LRRK1: variants seen among roughly 807,000 people sequenced by gnomAD.
LRRK1 encodes leucine-rich repeat serine/threonine-protein kinase 1.
Under a neutral mutation model 209.1 loss-of-function variants are expected in LRRK1, and 113 were observed. That is an observed-to-expected ratio of 0.54 (90% CI 0.46 to 0.63). The LOEUF (loss-of-function observed/expected upper bound fraction) is 0.63. Among genes scored for constraint, LRRK1 ranks in the 30% least tolerant of loss-of-function variants. LRRK1 has a pLI of 0.00. For missense variants in LRRK1, 2,284 were observed against 2,632.2 expected (o/e 0.87, Z 2.89); for synonymous variants, 1,144 against 1,099.7 (o/e 1.04, Z -0.80).
chr15:100,921,238 A>T (rs1238999848), intron 1 of LRRK1, among the ~76,000 whole-genome samples: 1 of 152,152 alleles, frequency 6.6e-6, no homozygotes, highest in Non-Finnish European at 1.5e-5. Context: ...TGGATGGGGA[A>T]TGGACAACCC....
At chr15:101,058,887 C>T (rs1034146494) in intron 29 of LRRK1, among the ~76,000 whole-genome samples, 1 of 151,934 alleles carries the variant, frequency 6.6e-6, no homozygotes, top group African/African-American at 2.4e-5. Context: ...GGGTGGGAGG[C>T]GCACAGTCGG....
chr15:101,023,486 T>C (rs574797353), intron 15 of LRRK1, among the ~76,000 whole-genome samples: 1 of 152,344 alleles, frequency 6.6e-6, no homozygotes, highest in South Asian at 2.1e-4. Flanking sequence ...CAGGGGCAGT[T>C]AGCCCTTTCT....
intron 17 of LRRK1, among the ~76,000 whole-genome samples, chr15:101,026,457 C>T (rs1020348882): frequency 1.3e-5 from 2 of 152,248 alleles, no homozygotes; most frequent in African/African-American, 4.8e-5. Context: ...CTGCCCATCT[C>T]ATTTGTTGAT....
chr15:100,962,436 A>T (rs1331481978), intron 2 of LRRK1, among the ~76,000 whole-genome samples: 1 of 152,148 alleles, frequency 6.6e-6, no homozygotes, highest in Non-Finnish European at 1.5e-5. Context: ...AGACTGAAGC[A>T]TAATAATTTC....
intron 33 of LRRK1, among the ~76,000 whole-genome samples, chr15:101,068,363 G>A (rs1377095948): frequency 6.6e-5 from 10 of 152,138 alleles, no homozygotes; most frequent in Admixed American, 5.2e-4. Flanking sequence ...GACGCTTTGG[G>A]AGCTGAGTCA....
chr15:101,019,683 A>G (rs1458868352), intron 12 of LRRK1, among the ~76,000 whole-genome samples: 2 of 152,236 alleles, frequency 1.3e-5, no homozygotes, highest in African/African-American at 4.8e-5. Context: ...CAGCCCAACA[A>G]AAGAACTCCG....
chr15:100,962,818 TA>T lies in LRRK1; in HGVS notation c.98-10985del, dbSNP rs1273148653. Among the ~76,000 whole-genome samples, 69 of 33,342 alleles carry T rather than the reference TA, an allele frequency of 2.1e-3. 1 individual carries two copies. Among genetic ancestry groups the T allele is most frequent in the South Asian group, 6.6e-3 (6 of 904 alleles). 21.9% of individuals were successfully genotyped at this position (33,342 alleles called of 152,430 possible). On this transcript the variant is annotated intron_variant, in intron 2 of 33. Coordinates refer to ENST00000388948, the MANE Select transcript of LRRK1 (RefSeq NM_024652.6). ...GCATATATATATATATATATATATA[TA>T]TATATTTTTTTTTTTTTTTTTGAGA...
At chr15:100,959,957 C>G (rs948146045) in intron 2 of LRRK1, among the ~76,000 whole-genome samples, 3 of 152,126 alleles carry the variant, frequency 2.0e-5, no homozygotes, top group African/African-American at 7.2e-5. Flanking sequence ...ACATTTTCTT[C>G]CTTTCCTTGC....
intron 2 of LRRK1, among the ~76,000 whole-genome samples, chr15:100,957,932 C>T (rs1334670192): frequency 6.6e-6 from 1 of 152,216 alleles, no homozygotes; most frequent in Non-Finnish European, 1.5e-5. Context: ...GTGGCGTGAT[C>T]TCTGCTCACT....
In LRRK1 at chr15:101,004,594, T is replaced by C. The variant is rs151164937; in HGVS notation, c.763-4243T>C. On this transcript the variant is annotated intron_variant, in intron 6 of 33. Transcript: ENST00000388948. ...GCTGTCTGCCACAGCAAAAGAAATG[T>C]GGGCTGAGTCAGTGCCACACAGATC... Among the ~76,000 whole-genome samples, 488 of 152,286 alleles carry C rather than the reference T, an allele frequency of 3.2e-3. 5 individuals carry two copies. Among genetic ancestry groups the C allele is most frequent in the African/African-American group, 0.011 (466 of 41,554 alleles).
intron 6 of LRRK1, among the ~76,000 whole-genome samples, chr15:101,008,046 G>A (rs927540158): frequency 1.3e-5 from 2 of 150,872 alleles, no homozygotes; most frequent in African/African-American, 2.4e-5. Flanking sequence ...AGGAGGCTGA[G>A]GCAGGAGAAT....
intron 20 of LRRK1, among the ~76,000 whole-genome samples, chr15:101,031,509 C>G (rs527838661): frequency 6.6e-6 from 1 of 152,262 alleles, no homozygotes; most frequent in African/African-American, 2.4e-5. Flanking sequence ...CCACTCAGCT[C>G]TTGATAGGCA....
Position 100,973,893 on chromosome 15 carries a change from A to C in LRRK1, c.187A>C (p.Arg63=), listed in dbSNP as rs2141653567. 7.9e-7 allele frequency: 1 copy of C among 1,271,630 alleles called. No individual in the cohort carries two copies. The highest frequency in any genetic ancestry group is 1.0e-6 in the Non-Finnish European group (1 of 1,003,302). The allele number at this position is 1,271,630 out of a possible 1,614,324, so 78.8% of individuals were successfully genotyped here. ...RRTEGIRAAY[R]RGDRGGARDL... ...GACGGAAGGCATCCGCGCCGCGTAC[A>C]GGCGGGGAGACCGCGGCGGCGCCCG... The change falls in exon 3 of 34, where the codon AGG becomes CGG. Residue 63 remains arginine (R), a synonymous_variant. Coordinates refer to ENST00000388948, the MANE Select transcript of LRRK1 (RefSeq NM_024652.6).
At position 101,072,121 on chromosome 15, in the gene LRRK1, A is replaced by T. The variant is rs1342440190; in HGVS notation, c.*3273A>T. The stretch of plus-strand genomic sequence containing the variant: ...CTTTACAACTCACTTTGCTGAATGG[A>T]GGGTGGATTAACGAGGGGGTAGTTG... On this transcript the variant is annotated 3_prime_UTR_variant, in exon 34 of 34. Coordinates refer to ENST00000388948, the MANE Select transcript of LRRK1 (RefSeq NM_024652.6). The T allele has an allele frequency of 4.6e-5, 7 of 152,154 alleles. No individual in the cohort carries two copies. Among genetic ancestry groups the T allele is most frequent in the Admixed American group, 1.3e-4 (2 of 15,284 alleles). The allele number at this position is 152,154 out of a possible 1,614,324, so 9.4% of individuals were successfully genotyped here. A position where few individuals can be genotyped will look rare whatever the true frequency, so the allele number is the denominator to read the frequency against.
At position 100,964,814 on chromosome 15, in the gene LRRK1, A is replaced by G. The variant is rs548367040; in HGVS notation, c.98-8990A>G. ...CACACACGTGCACACGCATGCGCGC[A>G]CACACACATGAGGCCAACATTTAGA... is the stretch of plus-strand genomic sequence containing the variant. On this transcript the variant is annotated intron_variant, in intron 2 of 33. Transcript: ENST00000388948. 1.2e-4 allele frequency among the ~76,000 whole-genome samples: 19 copies of G among 152,252 alleles called. No homozygotes were observed. The East Asian group carries it at 3.5e-3, about 28-fold the overall frequency.
chr15:100,972,359 AGAGAGTGTGTGTGT>A (rs1321600793), intron 2 of LRRK1, among the ~76,000 whole-genome samples: 1 of 86,974 alleles, frequency 1.1e-5, no homozygotes, highest in African/African-American at 5.0e-5. Flanking sequence ...AGAGAGAGAG[AGAGAGTGTGTGTGT>A]GTGTGTGTGT....
intron 31 of LRRK1, among the ~76,000 whole-genome samples, chr15:101,064,129 C>T (rs901146390): frequency 5.7e-4 from 87 of 152,394 alleles, no homozygotes; most frequent in African/African-American, 1.9e-3. Context: ...CCGCCCTGGC[C>T]GGGGCCTGAG....
rs202029522 is a variant in LRRK1 at position 101,009,016 on chromosome 15, G to A, written c.942G>A (p.Leu314=). Residue 314 remains leucine (L), a synonymous_variant, in exon 7 of 34, where the codon CTG becomes CTA. Transcript: ENST00000388948. ...AGCTGAACCTCTCCGACAACCACCT[G>A]GGGGAGCTGCCTGGCGTGCAGTCAT... is the stretch of plus-strand genomic sequence containing the variant. The part of the protein sequence containing the change: ...LRKLNLSDNH[L]GELPGVQSSD... The A allele has an allele frequency of 6.2e-7, 1 of 1,614,038 alleles. No homozygotes were observed. The highest frequency in any genetic ancestry group is 1.3e-5 in the African/African-American group (1 of 74,924).
Position 101,076,669 on chromosome 15 carries a change from C to A in LRRK1, c.*7821C>A, listed in dbSNP as rs1012019684. The A allele has an allele frequency of 6.6e-6, 1 of 152,244 alleles. No individual in the cohort carries two copies. The highest frequency in any genetic ancestry group is 1.5e-5 in the Non-Finnish European group (1 of 68,128). 9.4% of individuals were successfully genotyped at this position (152,244 alleles called of 1,614,324 possible). ...CTCAAGGAAATAACTTCTCAGTGTT[C>A]CATCTGCTATTCTACTGCTCCTCAG... On this transcript the variant is annotated 3_prime_UTR_variant, in exon 34 of 34. Transcript: ENST00000388948.
Sources: allele counts gnomAD v4.1 joint callset (sites outside exome capture counted in the v4.1 genomes callset), GRCh38; gene constraint gnomAD v4.1.1; transcripts MANE v1.5; gene names NCBI Gene and HGNC (gene_info 2026-07-23, HGNC 2026-07-21).